MCTP1: variants seen among roughly 807,000 people sequenced by gnomAD.
MCTP1 encodes multiple C2 and transmembrane domain containing 1.
In MCTP1, 69 loss-of-function variants were observed where a neutral mutation model predicts 120.6. The ratio of observed to expected loss-of-function variants is 0.57; its 90% CI spans 0.47 to 0.70. The LOEUF (loss-of-function observed/expected upper bound fraction) is 0.70, where lower values mean the gene tolerates loss of function less well. Among genes scored for constraint, MCTP1 ranks in the 30% least tolerant of loss-of-function variants. The pLI is 0.00. For missense variants in MCTP1, 1,203 were observed against 1,248.8 expected, an observed-to-expected ratio of 0.96 and a Z score of 0.55; for synonymous variants, 529 against 493.1, an observed-to-expected ratio of 1.07 and a Z score of -0.96.
intron 1 of MCTP1, among the ~76,000 whole-genome samples, chr5:95,146,744 A>G (rs148927303): frequency 5.2e-4 from 79 of 152,192 alleles, no homozygotes; most frequent in African/African-American, 1.6e-3. Flanking sequence ...GTTGTCCAAG[A>G]GAGTGTTTGT....
chr5:94,952,030 G>C (rs1300893064), intron 3 of MCTP1, among the ~76,000 whole-genome samples: 2 of 151,964 alleles, frequency 1.3e-5, no homozygotes, highest in African/African-American at 4.8e-5. Context: ...AAAATAACTA[G>C]ACATGGTGGT....
intron 1 of MCTP1, among the ~76,000 whole-genome samples, chr5:95,155,833 G>A (rs1290722084): frequency 6.6e-6 from 1 of 152,166 alleles, no homozygotes; most frequent in Non-Finnish European, 1.5e-5. Flanking sequence ...TACGATAGGA[G>A]AGTCATTTCC....
intron 2 of MCTP1, among the ~76,000 whole-genome samples, chr5:94,982,915 A>AAAAAAAAAAAAAAAAATT (rs1829751346): frequency 7.4e-6 from 1 of 134,904 alleles, no homozygotes; most frequent in African/African-American, 2.7e-5. Context: ...AAAAAAAAAG[A>AAAAAAAAAAAAAAAAATT]TGGTCAGGGT....
At chr5:95,146,747 G>C (rs2152451179) in intron 1 of MCTP1, among the ~76,000 whole-genome samples, 1 of 152,232 alleles carries the variant, frequency 6.6e-6, no homozygotes, top group South Asian at 2.1e-4. Flanking sequence ...GTCCAAGAGA[G>C]TGTTTGTTAT....
At chr5:94,888,689 T>C (rs988810094) in intron 12 of MCTP1, among the ~76,000 whole-genome samples, 190 bp downstream of exon 12, 3 of 152,186 alleles carry the variant, frequency 2.0e-5, no homozygotes, top group African/African-American at 7.2e-5. Context: ...TTTAATACAT[T>C]ACCCTGCCTT....
intron 2 of MCTP1, among the ~76,000 whole-genome samples, chr5:94,965,587 G>T (rs1397293109): frequency 2.6e-5 from 4 of 152,100 alleles, no homozygotes; most frequent in Non-Finnish European, 5.9e-5. Flanking sequence ...CCATCTTGCT[G>T]ATGTTACTCT....
chr5:95,001,458 C>A (rs1218122442), intron 2 of MCTP1, among the ~76,000 whole-genome samples: 1 of 152,210 alleles, frequency 6.6e-6, no homozygotes, highest in Non-Finnish European at 1.5e-5. Flanking sequence ...GATGAGGAAA[C>A]CTTTGGAACT....
intron 1 of MCTP1, among the ~76,000 whole-genome samples, chr5:95,262,791 TA>T (rs1412953987): frequency 6.6e-6 from 1 of 152,070 alleles, no homozygotes; most frequent in Admixed American, 6.6e-5. Context: ...CAATAAATAT[TA>T]AAAAAATAAA....
At chr5:95,214,297 A>C (rs1172155891) in intron 1 of MCTP1, among the ~76,000 whole-genome samples, 1 of 152,172 alleles carries the variant, frequency 6.6e-6, no homozygotes, top group African/African-American at 2.4e-5. Flanking sequence ...GAGAAATGCA[A>C]ATCAAAACCA....
rs552102764 is a variant in MCTP1, at chr5:95,274,566, T to C, written c.720+9290A>G. 7.2e-5 allele frequency among the ~76,000 whole-genome samples: 11 copies of C among 152,276 alleles called. No homozygotes were observed. The South Asian group carries it at 2.3e-3, about 32-fold the overall frequency. On this transcript the variant is annotated intron_variant, in intron 1 of 22. Coordinates refer to ENST00000515393, the MANE Select transcript of MCTP1 (RefSeq NM_024717.7). ...CATCAACTCACTCAAGGTATCTCCA[T>C]TTATAAAAACCTTCCCATGAACCAT...
chr5:94,859,403 ATTAG>A (rs1239871224), intron 17 of MCTP1, among the ~76,000 whole-genome samples: 3 of 151,696 alleles, frequency 2.0e-5, no homozygotes, highest in Non-Finnish European at 3.0e-5. Context: ...GGTGACTATA[ATTAG>A]CAACAACTTA....
intron 1 of MCTP1, among the ~76,000 whole-genome samples, chr5:95,276,907 G>A (rs571303181): frequency 1.1e-3 from 161 of 152,016 alleles, no homozygotes; most frequent in South Asian, 4.6e-3. Flanking sequence ...AGCCCATATC[G>A]TGCCACTGCA....
intron 1 of MCTP1, among the ~76,000 whole-genome samples, chr5:95,114,330 A>C (rs1757662641): frequency 6.6e-6 from 1 of 152,250 alleles, no homozygotes. Flanking sequence ...ACATAGAAAC[A>C]GAGCACCAAG....
chr5:95,081,602 C>A, intron 1 of MCTP1: 3 of 1,415,174 alleles, frequency 2.1e-6, no homozygotes, highest in Non-Finnish European at 1.9e-6. Context: ...TAGCAACAGC[C>A]CTGCACGGAG....
At chr5:95,089,237 A>T (rs1246690084) in intron 1 of MCTP1, among the ~76,000 whole-genome samples, 3 of 152,184 alleles carry the variant, frequency 2.0e-5, no homozygotes, top group South Asian at 2.1e-4. Flanking sequence ...GGGGAAATGA[A>T]AGGAGACTTT....
rs1247573967 is a variant in MCTP1, at chr5:94,947,575, TATAGAG to T, written c.982-5154_982-5149del. On this transcript the variant is annotated intron_variant, in intron 3 of 22. Coordinates refer to ENST00000515393, the MANE Select transcript of MCTP1 (RefSeq NM_024717.7). ...TACTAAATATATATATATATATATA[TATAGAG>T]AGAGAGAGAGAGAGAGAGAGAGAGA... 2.6e-3 allele frequency among the ~76,000 whole-genome samples: 125 copies of T among 47,390 alleles called. 1 individual carries two copies. The highest frequency in any genetic ancestry group is 3.6e-3 in the Admixed American group (16 of 4,436). 31.1% of individuals were successfully genotyped at this position (47,390 alleles called of 152,430 possible).
At chr5:94,719,118 C>T (rs1031379639) in intron 19 of MCTP1, among the ~76,000 whole-genome samples, 1 of 152,202 alleles carries the variant, frequency 6.6e-6, no homozygotes, top group Non-Finnish European at 1.5e-5. Context: ...GATACTATTT[C>T]ATGCCAGTCA....
At chr5:95,131,802 A>T (rs1402754565) in intron 1 of MCTP1, among the ~76,000 whole-genome samples, 3 of 152,248 alleles carry the variant, frequency 2.0e-5, no homozygotes, top group African/African-American at 7.2e-5. Context: ...TGGTTGAATG[A>T]ATGAATAAAT....
intron 2 of MCTP1, among the ~76,000 whole-genome samples, chr5:94,996,284 G>A (rs1267406474): frequency 6.6e-6 from 1 of 152,176 alleles, no homozygotes; most frequent in Non-Finnish European, 1.5e-5. Flanking sequence ...ATTAAAGACC[G>A]TGTGGATGTA....
Sources: gnomAD v4.1 joint callset for allele counts (sites outside exome capture counted in the v4.1 genomes callset) on GRCh38, gnomAD v4.1.1 for gene constraint, MANE v1.5 for transcripts, NCBI Gene and HGNC (gene_info 2026-07-23, HGNC 2026-07-21) for gene names.